The following FAF1 variants were observed in gnomAD, a reference collection of about 807,000 sequenced individuals.
The protein encoded by FAF1 is FAS-associated factor 1.
A neutral mutation model predicts 92.5 loss-of-function variants in FAF1; 25 were observed. That is an observed-to-expected ratio of 0.27 (90% CI 0.20 to 0.38). The LOEUF is 0.38. Ranked by LOEUF, FAF1 falls within the 10% of genes least tolerant of loss-of-function variation. The probability of loss-of-function intolerance (pLI) is 1.00; values close to 1 mark genes in which losing one functional copy is unlikely to be tolerated. For synonymous variants in FAF1, 234 were observed against 273.2 expected, an observed-to-expected ratio of 0.86 and a Z score of 1.42; for missense variants, 636 against 793.3, an observed-to-expected ratio of 0.80 and a Z score of 2.38.
At position 50,582,696 on chromosome 1, in the gene FAF1, A is replaced by G. The variant is rs1366143474; in HGVS notation, c.1035T>C (p.Tyr345=). ...TAAAAAATACAGGATGGCAATCACC[A>G]TATCTATAGGAAAAAGTGAGTCTAT... is the stretch of plus-strand genomic sequence containing the variant. ...LQFTAEFSSR[Y]GDCHPVFFIG... Residue 345 remains tyrosine, a synonymous_variant, in exon 12 of 19, where the codon TAT becomes TAC. Coordinates refer to ENST00000396153, the MANE Select transcript of FAF1 (RefSeq NM_007051.3). 2.5e-6 allele frequency: 4 copies of G among 1,597,500 alleles called. No homozygotes were observed. Among genetic ancestry groups the G allele is most frequent in the African/African-American group, 1.3e-5 (1 of 74,720 alleles).
chr1:50,655,746 G>A (rs1170410297), intron 7 of FAF1, among the ~76,000 whole-genome samples: 2 of 152,152 alleles, frequency 1.3e-5, no homozygotes, highest in Non-Finnish European at 2.9e-5. Context: ...TAAGAGTTAA[G>A]AAATATCCTC....
chr1:50,812,632 A>C (rs1643928093), intron 2 of FAF1, among the ~76,000 whole-genome samples: 1 of 152,218 alleles, frequency 6.6e-6, no homozygotes, highest in African/African-American at 2.4e-5. Flanking sequence ...GTGGCAATGT[A>C]ACTTAGTTCA....
At chr1:50,785,136 A>G (rs1424577766) in intron 4 of FAF1, among the ~76,000 whole-genome samples, 1 of 146,928 alleles carries the variant, frequency 6.8e-6, no homozygotes, top group Non-Finnish European at 1.5e-5. Context: ...CTATCTCAAA[A>G]AAAAAAAAAA....
intron 15 of FAF1, among the ~76,000 whole-genome samples, chr1:50,500,448 T>C (rs1572788619): frequency 6.6e-6 from 1 of 152,294 alleles, no homozygotes; most frequent in East Asian, 1.9e-4. Flanking sequence ...CTAGAACTAC[T>C]GGATATCCAT....
chr1:50,919,482 T>C (rs1644945756), intron 1 of FAF1, among the ~76,000 whole-genome samples: 1 of 151,348 alleles, frequency 6.6e-6, no homozygotes, highest in Non-Finnish European at 1.5e-5. Flanking sequence ...GGGGGGTAAA[T>C]AGAAGAATTT....
intron 6 of FAF1, among the ~76,000 whole-genome samples, chr1:50,729,054 ATATAT>A (rs1476742321): frequency 6.1e-5 from 6 of 97,826 alleles, no homozygotes; most frequent in African/African-American, 2.7e-4. Context: ...ATATATATAT[ATATAT>A]TTTTTTTTTT....
chr1:50,938,146 G>T (rs80023475), intron 1 of FAF1, among the ~76,000 whole-genome samples: 30 of 152,278 alleles, frequency 2.0e-4, no homozygotes, highest in African/African-American at 6.7e-4. Flanking sequence ...CTGAGTAAAT[G>T]TCTGGTTAGG....
chr1:50,837,552 G>C (rs1029544990), intron 2 of FAF1, among the ~76,000 whole-genome samples: 2 of 152,002 alleles, frequency 1.3e-5, no homozygotes, highest in African/African-American at 4.8e-5. Flanking sequence ...TGGATTATAT[G>C]TTTTCTACAA....
chr1:50,499,073 A>G (rs1352651435), intron 15 of FAF1, among the ~76,000 whole-genome samples: 2 of 152,212 alleles, frequency 1.3e-5, no homozygotes, highest in Non-Finnish European at 2.9e-5. Context: ...TATATCTACT[A>G]TAACATAGAT....
Position 50,822,867 on chromosome 1 carries a change from C to T in FAF1, c.115-21190G>A, listed in dbSNP as rs189080017. 2.7e-4 allele frequency among the ~76,000 whole-genome samples: 41 copies of T among 150,322 alleles called. 1 individual carries two copies. Among genetic ancestry groups the T allele is most frequent in the Admixed American group, 1.8e-3 (27 of 15,032 alleles). On this transcript the variant is annotated intron_variant, in intron 2 of 18. Transcript: ENST00000396153. ...TCAGCTCACTGCAACCTCTGCCTCT[C>T]GGGTTCAAGCGATTCTCCTACCTCA...
At chr1:50,625,476 A>G (rs1653455745) in intron 8 of FAF1, among the ~76,000 whole-genome samples, 1 of 152,268 alleles carries the variant, frequency 6.6e-6, no homozygotes, top group African/African-American at 2.4e-5. Context: ...GTTAAGTCCC[A>G]CAATCAATGC....
At chr1:50,750,129 A>G (rs1158102518) in intron 4 of FAF1, among the ~76,000 whole-genome samples, 6 of 152,210 alleles carry the variant, frequency 3.9e-5, no homozygotes, top group Non-Finnish European at 8.8e-5. Flanking sequence ...GCCAGAATTC[A>G]TATTTGTGTC....
At chr1:50,819,801 A>T (rs1358243890) in intron 2 of FAF1, among the ~76,000 whole-genome samples, 1 of 110,638 alleles carries the variant, frequency 9.0e-6, no homozygotes, top group Non-Finnish European at 1.8e-5. Flanking sequence ...ATATATATAT[A>T]CATATATATA....
At chr1:50,753,044 G>C (rs1659932503) in intron 4 of FAF1, among the ~76,000 whole-genome samples, 1 of 152,154 alleles carries the variant, frequency 6.6e-6, no homozygotes, top group Non-Finnish European at 1.5e-5. Context: ...AAAATAAACT[G>C]CACATATTTG....
chr1:50,735,600 TG>T (rs1273581856), intron 6 of FAF1, among the ~76,000 whole-genome samples: 1 of 152,240 alleles, frequency 6.6e-6, no homozygotes, highest in African/African-American at 2.4e-5. Flanking sequence ...GAAGTTTTTT[TG>T]TTTTCTTGTT....
intron 4 of FAF1, among the ~76,000 whole-genome samples, chr1:50,777,859 G>A (rs1006730620): frequency 6.6e-6 from 1 of 152,122 alleles, no homozygotes; most frequent in Non-Finnish European, 1.5e-5. Context: ...TTCTACTGGT[G>A]GAAGTAAATT....
chr1:50,849,813 T>A (rs543899735), intron 2 of FAF1, among the ~76,000 whole-genome samples: 1 of 152,310 alleles, frequency 6.6e-6, no homozygotes, highest in East Asian at 1.9e-4. Flanking sequence ...TTCAAAGACA[T>A]CTACACAGCC....
At chr1:50,618,973 T>G (rs901466040) in intron 8 of FAF1, among the ~76,000 whole-genome samples, 2 of 152,098 alleles carry the variant, frequency 1.3e-5, no homozygotes, top group African/African-American at 4.8e-5. Context: ...GCCAGGCTGG[T>G]CTCGAACTCC....
rs928946398 is a variant in FAF1, at chr1:50,914,130, G to A, written c.45+45637C>T. The stretch of plus-strand genomic sequence containing the variant: ...TATTTAAGTCTGCAAAGCAAAGGAC[G>A]AGACCATGGATTCCTGATGACTCAG... On this transcript the variant is annotated intron_variant, in intron 1 of 18. Transcript: ENST00000396153. 1.5e-4 allele frequency among the ~76,000 whole-genome samples: 23 copies of A among 152,148 alleles called. 1 individual carries two copies. Among genetic ancestry groups the A allele is most frequent in the Admixed American group, 1.1e-3 (17 of 15,276 alleles).
Sources: gnomAD v4.1 joint callset for allele counts (sites outside exome capture counted in the v4.1 genomes callset) on GRCh38, gnomAD v4.1.1 for gene constraint, MANE v1.5 for transcripts, NCBI Gene and HGNC (gene_info 2026-07-23, HGNC 2026-07-21) for gene names.